The following ADARB2 variants were observed in gnomAD, a reference collection of about 807,000 sequenced individuals.
ADARB2 encodes the protein adenosine deaminase RNA specific B2 (inactive).
ADARB2 carries 25 observed loss-of-function variants against 62.2 expected under a neutral mutation model. The ratio of observed to expected loss-of-function variants is 0.40; its 90% CI spans 0.29 to 0.56. The LOEUF is 0.56. Ranked by LOEUF, ADARB2 falls within the 20% of genes least tolerant of loss-of-function variation. ADARB2 has a pLI of 0.43. For synonymous variants in ADARB2, 572 were observed against 500.8 expected (o/e 1.14, Z -1.90); for missense variants, 1,071 against 1,077.4 (o/e 0.99, Z 0.08).
chr10:1,298,720 A>ATTT (rs75978268), intron 3 of ADARB2, among the ~76,000 whole-genome samples: 4 of 110,778 alleles, frequency 3.6e-5, no homozygotes, highest in African/African-American at 1.3e-4. Context: ...TGCGACGGGA[A>ATTT]TTTTTTTTTT....
At chr10:1,226,448 G>A (rs185743978) in intron 6 of ADARB2, among the ~76,000 whole-genome samples, 39 of 152,308 alleles carry the variant, frequency 2.6e-4, no homozygotes, top group African/African-American at 9.4e-4. Context: ...TCCATTGCTG[G>A]TGAGGCACTC....
rs1564229816 is a variant in ADARB2 at position 1,233,834 on chromosome 10, T to G, written c.1373A>C (p.Glu458Ala). 1 of 1,613,594 alleles carries G rather than the reference T, an allele frequency of 6.2e-7. No homozygotes were observed. Among genetic ancestry groups the G allele is most frequent in the Non-Finnish European group, 8.5e-7 (1 of 1,179,854 alleles). ...QLELHLSKRR[E>A]DSERSIFVRL... The stretch of plus-strand genomic sequence containing the variant: ...CACGAATATCGATCGCTCTGAGTCC[T>G]CGCGCCGCTTGCTAGGGTCACAAAG... Residue 458 changes from glutamate to alanine, a missense_variant, in exon 6 of 10, where the codon GAG becomes GCG. By Grantham distance (107) the Glu-to-Ala change is moderately radical. Transcript: ENST00000381312.
intron 1 of ADARB2, among the ~76,000 whole-genome samples, chr10:1,491,515 C>G (rs1340801516): frequency 1.3e-5 from 2 of 152,190 alleles, no homozygotes; most frequent in African/African-American, 4.8e-5. Flanking sequence ...ACCATTTTGT[C>G]AGCTCTAGAG....
Position 1,623,730 on chromosome 10 carries a change from G to A in ADARB2, c.100+113321C>T, listed in dbSNP as rs565095419. Among the ~76,000 whole-genome samples, 73 of 150,782 alleles carry A rather than the reference G, an allele frequency of 4.8e-4. 1 individual carries two copies. Among genetic ancestry groups the A allele is most frequent in the African/African-American group, 1.7e-3 (69 of 40,756 alleles). On this transcript the variant is annotated intron_variant, in intron 1 of 9. Coordinates refer to ENST00000381312, the MANE Select transcript of ADARB2 (RefSeq NM_018702.4). ...CCTCCCTCCCGCCTACAGGACCAGG[G>A]GCCTTCACCCTCAGGAATGCCCAGT... is the stretch of plus-strand genomic sequence containing the variant.
chr10:1,459,530 AG>A (rs34936958), intron 1 of ADARB2, among the ~76,000 whole-genome samples: 151,230 of 152,048 alleles, frequency 0.99, 75,214 homozygotes, highest in Middle Eastern at 1. Flanking sequence ...TGGGAGGCCA[AG>A]GGGGGGTGGA....
chr10:1,522,549 C>T (rs750278786), intron 1 of ADARB2, among the ~76,000 whole-genome samples: 24 of 152,136 alleles, frequency 1.6e-4, no homozygotes, highest in African/African-American at 5.3e-4. Context: ...GTGATGAGGA[C>T]GAGGACAACG....
At chr10:1,286,197 C>G (rs924599263) in intron 3 of ADARB2, among the ~76,000 whole-genome samples, 2 of 152,178 alleles carry the variant, frequency 1.3e-5, no homozygotes, top group Non-Finnish European at 2.9e-5. Flanking sequence ...TCGAAGCCCC[C>G]TCTCAAACAA....
chr10:1,364,024 G>A, intron 2 of ADARB2, 107 bp from the exon 3 acceptor site: 3 of 1,362,090 alleles, frequency 2.2e-6, no homozygotes, highest in Non-Finnish European at 2.8e-6. Context: ...CGCCGCCCGC[G>A]CCCCCAGGTC....
chr10:1,480,562 G>A (rs1259450316), intron 1 of ADARB2, among the ~76,000 whole-genome samples: 2 of 152,192 alleles, frequency 1.3e-5, no homozygotes, highest in Non-Finnish European at 2.9e-5. Context: ...GCTGGCCGTG[G>A]TGGCTGGCAC....
intron 1 of ADARB2, among the ~76,000 whole-genome samples, chr10:1,550,909 G>A (rs1017373812): frequency 3.3e-5 from 5 of 152,102 alleles, no homozygotes; most frequent in Admixed American, 6.6e-5. Context: ...TGTGGAGTTC[G>A]GAGACTAAAG....
At chr10:1,401,596 C>G (rs2805518) in intron 1 of ADARB2, among the ~76,000 whole-genome samples, 108,837 of 152,080 alleles carry the variant, frequency 0.72, 39,334 homozygotes, top group East Asian at 0.99. Flanking sequence ...CTGTGAAGAC[C>G]GCGGTGCATT....
intron 3 of ADARB2, among the ~76,000 whole-genome samples, chr10:1,313,547 C>T (rs950792050): frequency 9.2e-5 from 14 of 152,104 alleles, no homozygotes; most frequent in Non-Finnish European, 1.8e-4. Flanking sequence ...CAGAAAGCAC[C>T]AATGCTTCCA....
intron 1 of ADARB2, among the ~76,000 whole-genome samples, chr10:1,666,395 C>A (rs1177647433): frequency 2.6e-5 from 4 of 152,232 alleles, no homozygotes; most frequent in Non-Finnish European, 4.4e-5. Context: ...AGCACATGTC[C>A]CAGCCTCTCT....
At chr10:1,585,130 A>T (rs1833156776) in intron 1 of ADARB2, among the ~76,000 whole-genome samples, 1 of 151,956 alleles carries the variant, frequency 6.6e-6, no homozygotes, top group African/African-American at 2.4e-5. Context: ...GGTGGTGGTG[A>T]TTGTCAATGT....
chr10:1,474,140 T>TC (rs56255135), intron 1 of ADARB2, among the ~76,000 whole-genome samples: 148,165 of 152,266 alleles, frequency 0.97, 72,197 homozygotes, highest in East Asian at 1. Context: ...CAGGCTTGAT[T>TC]CCTGCATGGC....
At chr10:1,725,132 T>A (rs2119038430) in intron 1 of ADARB2, among the ~76,000 whole-genome samples, 1 of 152,324 alleles carries the variant, frequency 6.6e-6, no homozygotes, top group South Asian at 2.1e-4. Context: ...CAGATGAACC[T>A]GCCAGGACAT....
rs575730456 is a variant in ADARB2 at position 1,620,053 on chromosome 10, G to A, written c.100+116998C>T. On this transcript the variant is annotated intron_variant, in intron 1 of 9. Transcript: ENST00000381312. The stretch of plus-strand genomic sequence containing the variant: ...TGGGGTGCAACTAAGACAGTAGAGG[G>A]AAATTTATAGCTTTAAACACCTATA... 2.7e-3 allele frequency among the ~76,000 whole-genome samples: 417 copies of A among 152,182 alleles called. 1 individual carries two copies. The highest frequency in any genetic ancestry group is 4.6e-3 in the Admixed American group (70 of 15,290).
At chr10:1,254,275 T>C (rs1012783520) in intron 4 of ADARB2, among the ~76,000 whole-genome samples, 2 of 151,688 alleles carry the variant, frequency 1.3e-5, no homozygotes, top group Admixed American at 1.3e-4. Context: ...GCAGTAGTAG[T>C]TTCTGGAGGG....
At chr10:1,582,754 C>T (rs1220830203) in intron 1 of ADARB2, among the ~76,000 whole-genome samples, 1 of 152,166 alleles carries the variant, frequency 6.6e-6, no homozygotes, top group African/African-American at 2.4e-5. Context: ...CATAAATTCC[C>T]ATGAGTTCCA....
Sources: allele counts gnomAD v4.1 joint callset (sites outside exome capture counted in the v4.1 genomes callset), GRCh38; gene constraint gnomAD v4.1.1; transcripts MANE v1.5; gene names NCBI Gene and HGNC (gene_info 2026-07-23, HGNC 2026-07-21).